Variants in C3orf49 observed in about 807,000 individuals in gnomAD.
C3orf49 encodes the protein putative uncharacterized protein C3orf49.
A neutral mutation model predicts 13.3 loss-of-function variants in C3orf49; 27 were observed. The ratio of observed to expected loss-of-function variants is 2.02; its 90% CI spans 1.49 to 2.79. The LOEUF (loss-of-function observed/expected upper bound fraction) is 2.79, where lower values mean the gene tolerates loss of function less well. Ranked by LOEUF, C3orf49 falls within the 30% of genes most tolerant of loss-of-function variation. The pLI is 0.00. For synonymous variants in C3orf49, 87 were observed against 47.6 expected, an observed-to-expected ratio of 1.83 and a Z score of -3.40; for missense variants, 242 against 134.2, an observed-to-expected ratio of 1.80 and a Z score of -3.97.
intron 3 of C3orf49, among the ~76,000 whole-genome samples, chr3:63,828,825 C>G (rs527452078): frequency 2.6e-5 from 4 of 152,082 alleles, no homozygotes; most frequent in African/African-American, 7.2e-5. Context: ...AATTTGCCCA[C>G]GTAAGTGACA....
chr3:63,781,286 G>A, the C3orf49 span, among the ~76,000 whole-genome samples: 98 of 151,700 alleles, frequency 6.5e-4, no homozygotes, highest in Non-Finnish European at 1.2e-3. Flanking sequence ...GTTTGTCAAA[G>A]ATCAGATAGT....
chr3:63,815,652 TC>T (rs1701315510), upstream of C3orf49, among the ~76,000 whole-genome samples: 1 of 152,196 alleles, frequency 6.6e-6, no homozygotes, highest in Non-Finnish European at 1.5e-5. Flanking sequence ...ATGTCTCACT[TC>T]AAACACCACC....
the C3orf49 span, among the ~76,000 whole-genome samples, chr3:63,800,254 G>A: frequency 1.3e-5 from 2 of 152,102 alleles, no homozygotes; most frequent in African/African-American, 4.8e-5. Flanking sequence ...GGTATCCTCT[G>A]GGTCGTTGGC....
intron 6 of C3orf49, among the ~76,000 whole-genome samples, chr3:63,845,756 A>G (rs1701878742): frequency 6.6e-6 from 1 of 152,232 alleles, no homozygotes; most frequent in Admixed American, 6.5e-5. Flanking sequence ...AATATCCAAC[A>G]TAAAATGGTT....
At chr3:63,836,705 A>C (rs1370104402) in intron 5 of C3orf49, among the ~76,000 whole-genome samples, 1 of 152,046 alleles carries the variant, frequency 6.6e-6, no homozygotes, top group African/African-American at 2.4e-5. Context: ...CCAAAAAGTA[A>C]AATAAAATAA....
At chr3:63,846,573 A>G (rs901916604) in intron 6 of C3orf49, among the ~76,000 whole-genome samples, 3 of 151,966 alleles carry the variant, frequency 2.0e-5, no homozygotes, top group Non-Finnish European at 4.4e-5. Context: ...ACGCCAGGCT[A>G]ATTTTTTTGT....
At chr3:63,786,241 T>A in the C3orf49 span, among the ~76,000 whole-genome samples, 2 of 152,116 alleles carry the variant, frequency 1.3e-5, no homozygotes, top group African/African-American at 4.8e-5. Context: ...TCAGTAAATG[T>A]TCGTAACTGA....
chr3:63,841,719 C>A (rs1024722152), intron 5 of C3orf49, among the ~76,000 whole-genome samples: 1 of 152,094 alleles, frequency 6.6e-6, no homozygotes, highest in Non-Finnish European at 1.5e-5. Flanking sequence ...TTTTAACCAC[C>A]AACATTATTA....
rs765257484 is a variant in C3orf49, at chr3:63,839,677, T to C, written c.850-5346T>C. 1.9e-6 allele frequency: 3 copies of C among 1,611,952 alleles called. No individual in the cohort carries two copies. The African/African-American group carries it at 4.0e-5, about 22-fold the overall frequency. On this transcript the variant is annotated intron_variant, in intron 5 of 6. Coordinates refer to ENST00000295896, the MANE Select transcript of C3orf49 (RefSeq NM_001355236.2). ...ATACCCCTCTTCCTGGGACCCAGAG[T>C]TGCACCATTTAATGAAACTCTTCAC... is the stretch of plus-strand genomic sequence containing the variant.
chr3:63,792,887 A>T, the C3orf49 span, among the ~76,000 whole-genome samples: 1 of 152,214 alleles, frequency 6.6e-6, no homozygotes, highest in East Asian at 1.9e-4. Context: ...CGTCGGCACT[A>T]TCCAGGTGAT....
At chr3:63,847,599 T>C (rs1180727906) in intron 6 of C3orf49, among the ~76,000 whole-genome samples, 1 of 152,078 alleles carries the variant, frequency 6.6e-6, no homozygotes, top group Non-Finnish European at 1.5e-5. Flanking sequence ...TAGCCGGGTG[T>C]GGGGTTGCGT....
Position 63,819,497 on chromosome 3 carries a change from C to T in C3orf49, c.26C>T (p.Pro9Leu). ...ATGGCCCAACCTCAGCTGTATCTAC[C>T]AGAACCCTTTAAGATTGCCTACAGA... MAQPQLYLPEPFKIAYRKV... is the reference protein window; with the variant it reads MAQPQLYLLEPFKIAYRKV... Residue 9 changes from proline (P) to leucine (L), a missense_variant, in exon 1 of 7, where the codon CCA becomes CTA. Physicochemically the swap from Pro to Leu is moderately conservative, Grantham distance 98. Transcript: ENST00000295896. The T allele has an allele frequency of 1.4e-6, 1 of 702,956 alleles. No homozygotes were observed. 43.5% of individuals were successfully genotyped at this position (702,956 alleles called of 1,614,324 possible).
rs555339535 is a variant in C3orf49 at position 63,838,917 on chromosome 3, G to A, written c.850-6106G>A. Among the ~76,000 whole-genome samples the A allele has an allele frequency of 7.9e-5, 12 of 152,278 alleles. No homozygotes were observed. The East Asian group carries it at 1.2e-3, about 15-fold the overall frequency. On this transcript the variant is annotated intron_variant, in intron 5 of 6. Transcript: ENST00000295896. ...AAAAAATAAATAAATATAGTTAGGC[G>A]TGGTAGCTCATGCCTGTAATTCTGG...
the C3orf49 span, among the ~76,000 whole-genome samples, chr3:63,789,802 C>A: frequency 4.3e-4 from 52 of 120,248 alleles, no homozygotes; most frequent in African/African-American, 1.6e-3. Context: ...CAGAGCAAGA[C>A]TCTGTCTCAA....
At chr3:63,790,424 C>T in the C3orf49 span, among the ~76,000 whole-genome samples, 3 of 152,134 alleles carry the variant, frequency 2.0e-5, no homozygotes, top group African/African-American at 7.2e-5. Context: ...GATTTTCAAC[C>T]TTGGCTATAC....
At chr3:63,811,305 TC>T in the C3orf49 span, among the ~76,000 whole-genome samples, 1 of 151,876 alleles carries the variant, frequency 6.6e-6, no homozygotes, top group African/African-American at 2.4e-5. Context: ...GCACCTGTAA[TC>T]CCAGCACTTT....
rs1211492782 is a variant in C3orf49 at position 63,825,423 on chromosome 3, C to T, written c.445+1854C>T. The stretch of plus-strand genomic sequence containing the variant: ...AAGCATCCAAGCATCTAGCAATTAC[C>T]TGGTATGGATTGAGCTGTATATTTC... On this transcript the variant is annotated intron_variant, in intron 2 of 6. Transcript: ENST00000295896. 4.6e-5 allele frequency among the ~76,000 whole-genome samples: 7 copies of T among 152,138 alleles called. No individual in the cohort carries two copies. The South Asian group carries it at 1.4e-3, about 32-fold the overall frequency.
At chr3:63,799,551 A>G in the C3orf49 span, among the ~76,000 whole-genome samples, 1 of 152,214 alleles carries the variant, frequency 6.6e-6, no homozygotes, top group South Asian at 2.1e-4. Flanking sequence ...CTAAAATATT[A>G]TAGTTTAATA....
chr3:63,787,234 T>G, the C3orf49 span: 1 of 152,190 alleles, frequency 6.6e-6, no homozygotes, highest in African/African-American at 2.4e-5. Flanking sequence ...ATGTAGAATA[T>G]TAGCATTCAG....
Sources: gnomAD v4.1 joint callset for allele counts (sites outside exome capture counted in the v4.1 genomes callset) on GRCh38, gnomAD v4.1.1 for gene constraint, MANE v1.5 for transcripts, NCBI Gene and HGNC (gene_info 2026-07-23, HGNC 2026-07-21) for gene names.